PPM1H: variants seen among roughly 807,000 people sequenced by gnomAD.
The protein encoded by PPM1H is protein phosphatase, Mg2+/Mn2+ dependent 1H, also known as protein phosphatase 1H.
In PPM1H, 27 loss-of-function variants were observed where a neutral mutation model predicts 54.9. The observed-to-expected ratio is 0.49, with a 90% confidence interval of 0.36 to 0.68. The LOEUF (loss-of-function observed/expected upper bound fraction) is 0.68, where lower values mean the gene tolerates loss of function less well. Among genes scored for constraint, PPM1H ranks in the 30% least tolerant of loss-of-function variants. PPM1H has a pLI of 0.00. For synonymous variants in PPM1H, 305 were observed against 270.8 expected (o/e 1.13, Z -1.24); for missense variants, 596 against 667.8 (o/e 0.89, Z 1.19).
intron 1 of PPM1H, among the ~76,000 whole-genome samples, chr12:62,843,347 C>A (rs550041249): frequency 2.0e-5 from 3 of 151,872 alleles, no homozygotes; most frequent in East Asian, 3.9e-4. Context: ...AAACAAAAAA[C>A]CACAAGTGTT....
In PPM1H at chr12:62,888,834, T is replaced by C. The variant is rs566263026; in HGVS notation, c.245+45658A>G. On this transcript the variant is annotated intron_variant, in intron 1 of 9. Coordinates refer to ENST00000228705, the MANE Select transcript of PPM1H (RefSeq NM_020700.2). ...CCCCACAATTAAGTCCATTTTACAA[T>C]TGAGAGGATACTTGGCTAAAGTCTT... Among the ~76,000 whole-genome samples the C allele has an allele frequency of 3.3e-5, 5 of 152,286 alleles. No homozygotes were observed. The East Asian group carries it at 7.7e-4, about 24-fold the overall frequency.
intron 1 of PPM1H, among the ~76,000 whole-genome samples, chr12:62,898,865 C>T (rs1871075982): frequency 6.6e-6 from 1 of 152,158 alleles, no homozygotes; most frequent in Non-Finnish European, 1.5e-5. Context: ...CCCTCTACTC[C>T]TTACTGAAGG....
At chr12:62,859,959 G>C (rs1869537841) in intron 1 of PPM1H, among the ~76,000 whole-genome samples, 2 of 152,226 alleles carry the variant, frequency 1.3e-5, no homozygotes, top group Admixed American at 1.3e-4. Context: ...GGCTGAAAGA[G>C]AAAGTAGGCA....
At position 62,673,715 on chromosome 12, in the gene PPM1H, C is replaced by CTTTTTTTTTTTTTTTTT. The variant is rs567775927; in HGVS notation, c.1246-6403_1246-6387dup. Among the ~76,000 whole-genome samples the CTTTTTTTTTTTTTTTTT allele has an allele frequency of 4.1e-3, 174 of 41,964 alleles. 42 individuals are homozygous for CTTTTTTTTTTTTTTTTT. Among genetic ancestry groups the CTTTTTTTTTTTTTTTTT allele is most frequent in the Non-Finnish European group, 6.7e-3 (138 of 20,642 alleles). 27.5% of individuals were successfully genotyped at this position (41,964 alleles called of 152,430 possible). On this transcript the variant is annotated intron_variant, in intron 8 of 9. Transcript: ENST00000228705. ...GCTTTGTGACTTGAGAAGAGCCACTCTTTTTTTTTTTTTTTTTTTTTTTTT... is the reference window on the plus strand; with the variant it reads ...GCTTTGTGACTTGAGAAGAGCCACTCTTTTTTTTTTTTTTTTTTTTTTTTTTTTTTTTTTTTTTTTTT...
At chr12:62,824,911 C>G (rs1015321563) in intron 2 of PPM1H, among the ~76,000 whole-genome samples, 2 of 152,028 alleles carry the variant, frequency 1.3e-5, no homozygotes, top group Non-Finnish European at 2.9e-5. Flanking sequence ...GGAATCTAAT[C>G]AAACTGAAGA....
intron 2 of PPM1H, among the ~76,000 whole-genome samples, chr12:62,823,261 C>T (rs1284397577): frequency 3.3e-5 from 5 of 152,114 alleles, no homozygotes; most frequent in Admixed American, 1.3e-4. Flanking sequence ...AACATCCTAC[C>T]AACCAAAGAA....
In PPM1H at chr12:62,867,564, ATTTTTTTTTTTT is replaced by A. The variant is rs34772338; in HGVS notation, c.246-35297_246-35286del. ...TCCTGAAATACATCTTATGAGCACTATTTTTTTTTTTTTTTTTTTTTTTTTTTTTTTGAGACA... is the reference window on the plus strand; with the variant it reads ...TCCTGAAATACATCTTATGAGCACTATTTTTTTTTTTTTTTTTTTGAGACA... On this transcript the variant is annotated intron_variant, in intron 1 of 9. Coordinates refer to ENST00000228705, the MANE Select transcript of PPM1H (RefSeq NM_020700.2). 1.5e-3 allele frequency among the ~76,000 whole-genome samples: 82 copies of A among 55,368 alleles called. 1 individual carries two copies. Among genetic ancestry groups the A allele is most frequent in the African/African-American group, 4.5e-3 (71 of 15,606 alleles). The allele number at this position is 55,368 out of a possible 152,430, so 36.3% of individuals were successfully genotyped here. A position where few individuals can be genotyped will look rare whatever the true frequency, so the allele number is the denominator to read the frequency against.
chr12:62,845,063 C>T (rs1868908988), intron 1 of PPM1H, among the ~76,000 whole-genome samples: 1 of 152,190 alleles, frequency 6.6e-6, no homozygotes, highest in Admixed American at 6.5e-5. Flanking sequence ...AAGTTCTCAC[C>T]CTATTAACAG....
intron 1 of PPM1H, among the ~76,000 whole-genome samples, chr12:62,887,136 C>T (rs774836896): frequency 3.0e-4 from 46 of 152,058 alleles, no homozygotes; most frequent in Non-Finnish European, 1.9e-4. Context: ...TGTTTCTCAC[C>T]GGCTGAGACA....
Position 62,648,634 on chromosome 12 carries a change from T to C in PPM1H, c.1400A>G (p.Tyr467Cys), listed in dbSNP as rs2075799629. The change falls in exon 10 of 10, where the codon TAC (tyrosine) becomes TGC (cysteine). Residue 467 changes from tyrosine (Y) to cysteine (C), a missense_variant and splice_region_variant. Physicochemically the swap from Tyr to Cys is radical, Grantham distance 194. Coordinates refer to ENST00000228705, the MANE Select transcript of PPM1H (RefSeq NM_020700.2). ...CACCAGGTCCTGAGCTGCCAGTGTG[T>C]ACCTACACAGGAGAACCAGGAACGA... Reference protein sequence around the residue: ...PNCDPDDPHRYTLAAQDLVMR... With the variant: ...PNCDPDDPHRCTLAAQDLVMR... 2 of 1,613,704 alleles carry C rather than the reference T, an allele frequency of 1.2e-6. No homozygotes were observed. The highest frequency in any genetic ancestry group is 4.5e-5 in the East Asian group (2 of 44,870).
intron 1 of PPM1H, among the ~76,000 whole-genome samples, chr12:62,894,592 C>G (rs2121093679): frequency 1.3e-5 from 2 of 152,326 alleles, no homozygotes; most frequent in Middle Eastern, 6.8e-3. Flanking sequence ...AGGGACAATA[C>G]AACCTACCTC....
At chr12:62,843,371 C>G (rs1269602353) in intron 1 of PPM1H, among the ~76,000 whole-genome samples, 3 of 152,170 alleles carry the variant, frequency 2.0e-5, no homozygotes, top group African/African-American at 7.2e-5. Flanking sequence ...TACTTAACAA[C>G]TTAATGCTTT....
intron 1 of PPM1H, among the ~76,000 whole-genome samples, chr12:62,832,689 A>T (rs927796141): frequency 2.0e-5 from 3 of 152,212 alleles, no homozygotes; most frequent in African/African-American, 7.2e-5. Context: ...CAGCAAAACC[A>T]CCATCAATCT....
chr12:62,926,991 C>T (rs982100400), intron 1 of PPM1H, among the ~76,000 whole-genome samples: 1 of 152,144 alleles, frequency 6.6e-6, no homozygotes, highest in Non-Finnish European at 1.5e-5. Context: ...ATTTAAATGG[C>T]TAATAAATAT....
intron 6 of PPM1H, among the ~76,000 whole-genome samples, chr12:62,708,672 CTTT>C (rs764095451): frequency 6.6e-6 from 1 of 152,080 alleles, no homozygotes; most frequent in Non-Finnish European, 1.5e-5. Context: ...AGGTCCTTTT[CTTT>C]TTTCTTAAAT....
At chr12:62,811,369 C>G (rs1227210867) in intron 2 of PPM1H, among the ~76,000 whole-genome samples, 4 of 152,126 alleles carry the variant, frequency 2.6e-5, no homozygotes, top group Non-Finnish European at 1.5e-5. Flanking sequence ...ATTAAATAGC[C>G]TGGAGGGACA....
chr12:62,807,569 A>T (rs2076812157), intron 2 of PPM1H, among the ~76,000 whole-genome samples: 1 of 152,156 alleles, frequency 6.6e-6, no homozygotes, highest in Non-Finnish European at 1.5e-5. Context: ...GTGTTAGGCC[A>T]TTAGCTGGTT....
chr12:62,913,217 GA>G, intron 1 of PPM1H, among the ~76,000 whole-genome samples: 1 of 152,180 alleles, frequency 6.6e-6, no homozygotes, highest in Non-Finnish European at 1.5e-5. Flanking sequence ...GATTTGAGAA[GA>G]AAAGGGAATG....
intron 4 of PPM1H, among the ~76,000 whole-genome samples, chr12:62,764,826 G>A (rs1215889118): frequency 1.3e-5 from 2 of 152,196 alleles, no homozygotes; most frequent in East Asian, 3.9e-4. Flanking sequence ...GGCACGGGGG[G>A]CCATGGAGAA....
Sources: gnomAD v4.1 joint callset for allele counts (sites outside exome capture counted in the v4.1 genomes callset) on GRCh38, gnomAD v4.1.1 for gene constraint, MANE v1.5 for transcripts, NCBI Gene and HGNC (gene_info 2026-07-23, HGNC 2026-07-21) for gene names.